Variants in RUNX1 observed in about 807,000 individuals in gnomAD.
RUNX1 encodes the protein RUNX family transcription factor 1.
In RUNX1, 19 loss-of-function variants were observed where a neutral mutation model predicts 42.8. That is an observed-to-expected ratio of 0.44 (90% CI 0.31 to 0.65). RUNX1 has a LOEUF of 0.65. RUNX1 is among the 30% of genes least tolerant of loss of function. The pLI is 0.07. For synonymous variants in RUNX1, 271 were observed against 289.4 expected (o/e 0.94, Z 0.64); for missense variants, 528 against 672.0 (o/e 0.79, Z 2.37).
At chr21:34,814,230 G>A (rs948260613) in intron 7 of RUNX1, among the ~76,000 whole-genome samples, 1 of 152,038 alleles carries the variant, frequency 6.6e-6, no homozygotes, top group African/African-American at 2.4e-5. Context: ...AATAAAAGTT[G>A]GTGTCTGTTG....
intron 8 of RUNX1, among the ~76,000 whole-genome samples, chr21:34,795,081 T>C (rs1325603441): frequency 3.9e-5 from 6 of 152,172 alleles, no homozygotes; most frequent in African/African-American, 1.4e-4. Context: ...CAACAAACAG[T>C]AGAAACATGA....
In RUNX1 at chr21:34,906,977, T is replaced by G. The variant is rs1312941132; in HGVS notation, c.59-14014A>C. On this transcript the variant is annotated intron_variant, in intron 2 of 8. Transcript: ENST00000675419. ...TTATTTAGAGAGTCACGTGCCCTTT[T>G]GTGGGAGCAGCCCCAATTCTCCCTC... 2.6e-5 allele frequency among the ~76,000 whole-genome samples: 4 copies of G among 152,248 alleles called. No homozygotes were observed. The East Asian group carries it at 7.7e-4, about 29-fold the overall frequency.
At chr21:35,001,431 C>T (rs2059042850) in intron 2 of RUNX1, among the ~76,000 whole-genome samples, 1 of 151,640 alleles carries the variant, frequency 6.6e-6, no homozygotes, top group East Asian at 1.9e-4. Context: ...AATTACTATT[C>T]ATTTTTCCCA....
At chr21:34,816,516 C>T (rs1363692436) in intron 7 of RUNX1, among the ~76,000 whole-genome samples, 2 of 152,102 alleles carry the variant, frequency 1.3e-5, no homozygotes, top group Non-Finnish European at 2.9e-5. Flanking sequence ...CTCAAACATG[C>T]AGCCTATCTG....
intron 7 of RUNX1, among the ~76,000 whole-genome samples, chr21:34,830,758 G>A (rs1259520256): frequency 6.6e-6 from 1 of 152,188 alleles, no homozygotes; most frequent in Non-Finnish European, 1.5e-5. Context: ...TGAGGGAATG[G>A]AATAATATGT....
At chr21:34,990,980 G>A (rs2058932836) in intron 2 of RUNX1, among the ~76,000 whole-genome samples, 1 of 152,164 alleles carries the variant, frequency 6.6e-6, no homozygotes, top group South Asian at 2.1e-4. Flanking sequence ...CTGTTCATGA[G>A]GAGAATGCCA....
intron 7 of RUNX1, among the ~76,000 whole-genome samples, chr21:34,827,897 C>T (rs1277772488): frequency 1.3e-5 from 2 of 152,204 alleles, no homozygotes; most frequent in Non-Finnish European, 2.9e-5. Flanking sequence ...AGACCTACCA[C>T]AGGGGAATAC....
chr21:34,889,551 G>C, intron 3 of RUNX1: 1 of 564,346 alleles, frequency 1.8e-6, no homozygotes, highest in Non-Finnish European at 2.3e-6. Context: ...GGGCCTTGTA[G>C]CGCCGGCACC....
chr21:34,988,502 A>C (rs1012648495), intron 2 of RUNX1, among the ~76,000 whole-genome samples: 1 of 152,074 alleles, frequency 6.6e-6, no homozygotes, highest in African/African-American at 2.4e-5. Flanking sequence ...TAGTACTTTC[A>C]AAAACTGTGC....
At chr21:34,891,109 C>G (rs1005121937) in intron 3 of RUNX1, among the ~76,000 whole-genome samples, 2 of 152,216 alleles carry the variant, frequency 1.3e-5, no homozygotes, top group African/African-American at 4.8e-5. Context: ...CCCTAAACCC[C>G]GCGACGGGGG....
At chr21:34,798,620 T>A (rs1380217478) in intron 8 of RUNX1, among the ~76,000 whole-genome samples, 1 of 152,046 alleles carries the variant, frequency 6.6e-6, no homozygotes, top group Non-Finnish European at 1.5e-5. Context: ...AAAAAAAGGA[T>A]GGTTGTGTCT....
chr21:34,966,774 AT>A (rs1244202466), intron 2 of RUNX1, among the ~76,000 whole-genome samples: 1 of 152,216 alleles, frequency 6.6e-6, no homozygotes, highest in Non-Finnish European at 1.5e-5. Context: ...CCATAAAAGA[AT>A]TGTAGTAATG....
intron 2 of RUNX1, among the ~76,000 whole-genome samples, chr21:34,930,236 ATAT>A (rs199693998): frequency 0.035 from 4,605 of 132,326 alleles, 282 homozygotes; most frequent in African/African-American, 0.14. Context: ...TTATATATAC[ATAT>A]TATATATGTA....
At chr21:34,933,719 T>C (rs989540530) in intron 2 of RUNX1, among the ~76,000 whole-genome samples, 4 of 152,240 alleles carry the variant, frequency 2.6e-5, no homozygotes, top group Admixed American at 2.0e-4. Context: ...ACTGGTGTGA[T>C]GGACCCCGTT....
intron 2 of RUNX1, among the ~76,000 whole-genome samples, chr21:34,991,170 C>T (rs1004650340): frequency 6.6e-6 from 1 of 152,196 alleles, no homozygotes; most frequent in South Asian, 2.1e-4. Flanking sequence ...ACCTTGCCTG[C>T]CTCTCTTGCT....
intron 5 of RUNX1, among the ~76,000 whole-genome samples, chr21:34,866,004 G>T (rs1601486036): frequency 6.6e-6 from 1 of 152,320 alleles, no homozygotes; most frequent in East Asian, 1.9e-4. Context: ...GCCTCCTCAG[G>T]TCTAGTTTGC....
chr21:35,044,326 G>A (rs2059381507), intron 2 of RUNX1, among the ~76,000 whole-genome samples: 1 of 152,182 alleles, frequency 6.6e-6, no homozygotes, highest in Non-Finnish European at 1.5e-5. Context: ...GTCCTCCAGG[G>A]CATTGTGACC....
chr21:34,875,074 T>C (rs1020318657), intron 5 of RUNX1, among the ~76,000 whole-genome samples: 5 of 152,230 alleles, frequency 3.3e-5, no homozygotes, highest in African/African-American at 1.2e-4. Context: ...AAAAGCTGTG[T>C]GACGCCATCA....
chr21:34,809,839 G>A (rs76292615), intron 7 of RUNX1, among the ~76,000 whole-genome samples: 2,352 of 152,266 alleles, frequency 0.015, 24 homozygotes, highest in Admixed American at 0.023. Context: ...GAAAAAAAAA[G>A]AAGTGACTTT....
Sources: gnomAD v4.1 joint callset for allele counts (sites outside exome capture counted in the v4.1 genomes callset) on GRCh38, gnomAD v4.1.1 for gene constraint, MANE v1.5 for transcripts, NCBI Gene and HGNC (gene_info 2026-07-23, HGNC 2026-07-21) for gene names.